The following THOC5 variants were observed in gnomAD, a reference collection of about 807,000 sequenced individuals.
THOC5 encodes Fms-interacting protein.
A neutral mutation model predicts 92.9 loss-of-function variants in THOC5; 43 were observed. The ratio of observed to expected loss-of-function variants is 0.46; its 90% CI spans 0.36 to 0.60. The LOEUF (loss-of-function observed/expected upper bound fraction) is 0.60, where lower values mean the gene tolerates loss of function less well. Among genes scored for constraint, THOC5 ranks in the 20% least tolerant of loss-of-function variants. The probability of loss-of-function intolerance (pLI) is 0.00; values close to 1 mark genes in which losing one functional copy is unlikely to be tolerated. For synonymous variants in THOC5, 296 were observed against 320.1 expected (o/e 0.92, Z 0.80); for missense variants, 659 against 849.4 (o/e 0.78, Z 2.79).
At chr22:29,551,782 A>C in intron 1 of THOC5, among the ~76,000 whole-genome samples, 1 of 146,974 alleles carries the variant, frequency 6.8e-6, no homozygotes, top group Admixed American at 6.7e-5. Context: ...AATTTTTAGT[A>C]AACCCCTCCC....
intron 13 of THOC5, among the ~76,000 whole-genome samples, 190 bp downstream of exon 13, chr22:29,520,808 T>C (rs2063426754): frequency 1.3e-5 from 2 of 152,216 alleles, no homozygotes; most frequent in Admixed American, 1.3e-4. Flanking sequence ...TTTCCGAGTT[T>C]TGATCCTTCC....
At position 29,539,424 on chromosome 22, in the gene THOC5, C is replaced by G; in HGVS notation, c.505G>C (p.Ala169Pro). ...LVSLEEFYKE[A>P]PPDISKAEVT... is the part of the protein sequence containing the mutation. Reference sequence around the variant, plus strand: ...TCGGCCTTGCTGATATCTGGTGGAGCCTCCTTATAAAACTCCTCTAAACTG... The same window carrying G: ...TCGGCCTTGCTGATATCTGGTGGAGGCTCCTTATAAAACTCCTCTAAACTG... Residue 169 changes from alanine to proline, a missense_variant, in exon 6 of 20, where the codon GCT (alanine) becomes CCT (proline). Physicochemically the swap from Ala to Pro is conservative, Grantham distance 27. Coordinates refer to ENST00000490103, the MANE Select transcript of THOC5 (RefSeq NM_003678.5). The G allele has an allele frequency of 6.2e-7, 1 of 1,614,064 alleles. No homozygotes were observed. Among genetic ancestry groups the G allele is most frequent in the Non-Finnish European group, 8.5e-7 (1 of 1,180,012 alleles).
Position 29,543,473 on chromosome 22 carries a change from A to T in THOC5, c.310T>A (p.Leu104Ile). Residue 104 changes from leucine (L) to isoleucine (I), a missense_variant, in exon 4 of 20, where the codon TTA (leucine) becomes ATA (isoleucine). Physicochemically the swap from Leu to Ile is conservative, Grantham distance 5. Transcript: ENST00000490103. ...HFMTLKKLNRLAHIRLKKGRD... is the reference protein window; with the variant it reads ...HFMTLKKLNRIAHIRLKKGRD... ...CCTTTCTTCAACCTGATGTGGGCTA[A>T]TCGGTTAAGCTTCTTTAGAGTCATG... 1 of 1,614,046 alleles carries T rather than the reference A, an allele frequency of 6.2e-7. No individual in the cohort carries two copies. The highest frequency in any genetic ancestry group is 1.1e-5 in the South Asian group (1 of 91,082).
intron 10 of THOC5, 73 bp from the exon 11 acceptor site, chr22:29,528,250 G>A: frequency 6.2e-7 from 1 of 1,613,974 alleles, no homozygotes; most frequent in Non-Finnish European, 8.5e-7. Context: ...CAACCAGCCA[G>A]GCCTCAGCCC....
Position 29,543,997 on chromosome 22 carries a change from G to T in THOC5, c.241-455C>A, listed in dbSNP as rs570497532. 2.6e-5 allele frequency among the ~76,000 whole-genome samples: 4 copies of T among 151,886 alleles called. No individual in the cohort carries two copies. The South Asian group carries it at 8.3e-4, about 32-fold the overall frequency. ...TAAGCACAAATACGTGAGATTCCTG[G>T]GGGAAAAAATGGATTTTAAAAAACT... On this transcript the variant is annotated intron_variant, in intron 3 of 19. Transcript: ENST00000490103.
At chr22:29,547,201 CCT>C (rs2064041021) in intron 2 of THOC5, among the ~76,000 whole-genome samples, 3 of 152,174 alleles carry the variant, frequency 2.0e-5, no homozygotes, top group East Asian at 3.9e-4. Context: ...TACCCTAAAT[CCT>C]CTCTCTCAAG....
chr22:29,518,920 A>C, intron 15 of THOC5, 86 bp downstream of exon 15: 1 of 899,874 alleles, frequency 1.1e-6, no homozygotes, highest in Non-Finnish European at 1.7e-6. Flanking sequence ...TGTCATCAGG[A>C]TTCAAGTTTT....
At chr22:29,524,590 G>A (rs1173045077) in intron 12 of THOC5, among the ~76,000 whole-genome samples, 2 of 152,150 alleles carry the variant, frequency 1.3e-5, no homozygotes, top group Non-Finnish European at 2.9e-5. Context: ...TCAATGAACT[G>A]AGAGCCCTGG....
rs774098533 is a variant in THOC5 at position 29,529,178 on chromosome 22, A to G, written c.909T>C (p.Pro303=). 1 of 1,614,130 alleles carries G rather than the reference A, an allele frequency of 6.2e-7. No homozygotes were observed. The highest frequency in any genetic ancestry group is 2.2e-5 in the East Asian group (1 of 44,876). ...CCACATTACCTTGGGAGTCCTCTGG[A>G]GGTTTGAACAGAGCCTTGGCTTCAT... is the stretch of plus-strand genomic sequence containing the variant. ...SVDEAKALFK[P]PEDSQDDESD... Residue 303 remains proline (P), a synonymous_variant, in exon 9 of 20, where the codon CCT becomes CCC. Transcript: ENST00000490103.
chr22:29,543,948 T>C (rs2063957336), intron 3 of THOC5, among the ~76,000 whole-genome samples: 1 of 152,142 alleles, frequency 6.6e-6, no homozygotes, highest in African/African-American at 2.4e-5. Context: ...TTGAATGCAA[T>C]AATTCTAACA....
chr22:29,539,251 G>A, intron 6 of THOC5, 79 bp downstream of exon 6: 1 of 1,452,888 alleles, frequency 6.9e-7, no homozygotes, highest in Non-Finnish European at 9.4e-7. Flanking sequence ...GAGTTGCACA[G>A]TGTTTTGCTG....
intron 5 of THOC5, among the ~76,000 whole-genome samples, chr22:29,541,705 C>T (rs543394246): frequency 1.5e-3 from 225 of 148,480 alleles, no homozygotes; most frequent in African/African-American, 5.2e-3. Context: ...ACTAAAAACA[C>T]GAAATATTAG....
At position 29,533,542 on chromosome 22, in the gene THOC5, A is replaced by G. The variant is rs1032847998; in HGVS notation, c.715-1579T>C. ...TTAAACAAGACACAAAAAAAGTACT[A>G]ACCATAAAGGAAAAGAATAATTAGT... On this transcript the variant is annotated intron_variant, in intron 7 of 19. Coordinates refer to ENST00000490103, the MANE Select transcript of THOC5 (RefSeq NM_003678.5). Among the ~76,000 whole-genome samples, 8 of 152,362 alleles carry G rather than the reference A, an allele frequency of 5.3e-5. No individual in the cohort carries two copies. The East Asian group carries it at 1.5e-3, about 29-fold the overall frequency.
At chr22:29,509,288 A>AAG (rs2063180130) in intron 19 of THOC5, among the ~76,000 whole-genome samples, 1 of 149,616 alleles carries the variant, frequency 6.7e-6, no homozygotes, top group African/African-American at 2.5e-5. Context: ...AAAAAAAAAA[A>AAG]AAAAGAAAAA....
intron 8 of THOC5, among the ~76,000 whole-genome samples, chr22:29,529,642 T>C (rs2063614045): frequency 6.6e-6 from 1 of 152,206 alleles, no homozygotes; most frequent in African/African-American, 2.4e-5. Flanking sequence ...CTCACCTAAG[T>C]GCTTATTCTC....
chr22:29,508,675 G>A (rs1332043755), intron 19 of THOC5, among the ~76,000 whole-genome samples, 155 bp from the exon 20 acceptor site: 1 of 152,202 alleles, frequency 6.6e-6, no homozygotes, highest in African/African-American at 2.4e-5. Context: ...TATAAGGTGC[G>A]ATACTATTTT....
chr22:29,528,366 A>G, intron 10 of THOC5, 60 bp downstream of exon 10: 3 of 1,614,126 alleles, frequency 1.9e-6, no homozygotes, highest in Non-Finnish European at 2.5e-6. Flanking sequence ...GCACCTGCGA[A>G]CAAGCATGCC....
At chr22:29,520,360 AGGCAGTGT>A (rs2063417063) in intron 13 of THOC5, among the ~76,000 whole-genome samples, 2 of 152,220 alleles carry the variant, frequency 1.3e-5, no homozygotes, top group Non-Finnish European at 2.9e-5. Flanking sequence ...TCAAATACAA[AGGCAGTGT>A]ACTAATGTCT....
intron 3 of THOC5, 135 bp from the exon 4 acceptor site, chr22:29,543,677 T>A: frequency 1.8e-6 from 1 of 566,644 alleles, no homozygotes; most frequent in Non-Finnish European, 3.1e-6. Context: ...AGAAGGGTCA[T>A]GAAGAAAATA....
Sources: allele counts gnomAD v4.1 joint callset (sites outside exome capture counted in the v4.1 genomes callset), GRCh38; gene constraint gnomAD v4.1.1; transcripts MANE v1.5; gene names NCBI Gene and HGNC (gene_info 2026-07-23, HGNC 2026-07-21).